AGAP3: variants seen among roughly 807,000 people sequenced by gnomAD.
AGAP3 encodes arf-GAP with GTPase, ANK repeat and PH domain-containing protein 3.
AGAP3 carries 24 observed loss-of-function variants against 96.9 expected under a neutral mutation model. The ratio of observed to expected loss-of-function variants is 0.25; its 90% CI spans 0.18 to 0.35. The LOEUF is 0.35. Among genes scored for constraint, AGAP3 ranks in the 10% least tolerant of loss-of-function variants. The pLI is 1.00. For missense variants in AGAP3, 876 were observed against 1,254.2 expected, an observed-to-expected ratio of 0.70 and a Z score of 4.55; for synonymous variants, 563 against 536.1, an observed-to-expected ratio of 1.05 and a Z score of -0.69.
intron 1 of AGAP3, among the ~76,000 whole-genome samples, chr7:151,092,422 C>A (rs949956705): frequency 6.6e-6 from 1 of 152,174 alleles, no homozygotes; most frequent in Non-Finnish European, 1.5e-5. Flanking sequence ...TGATGCTTTC[C>A]TCCTGACCCC....
At chr7:151,112,979 C>T (rs1029379353) in intron 1 of AGAP3, among the ~76,000 whole-genome samples, 9 of 152,176 alleles carry the variant, frequency 5.9e-5, no homozygotes, top group Non-Finnish European at 1.3e-4. Context: ...GGTGATCCGC[C>T]TGCCTCAGCC....
chr7:151,109,390 G>A (rs1293416386), intron 1 of AGAP3, among the ~76,000 whole-genome samples: 1 of 152,188 alleles, frequency 6.6e-6, no homozygotes, highest in Admixed American at 6.5e-5. Flanking sequence ...GAGGCCAGAT[G>A]TCTGAGATAA....
intron 7 of AGAP3, chr7:151,119,188 T>C (rs1006745465): frequency 1.8e-5 from 3 of 169,132 alleles, no homozygotes; most frequent in African/African-American, 7.1e-5. Flanking sequence ...GCAGCTCACT[T>C]CTGCAGTGGT....
At chr7:151,123,998 C>CTGAG in intron 9 of AGAP3, 112 bp downstream of exon 9, 1 of 1,075,166 alleles carries the variant, frequency 9.3e-7, no homozygotes, top group Non-Finnish European at 1.4e-6. Context: ...CATCAGAGGC[C>CTGAG]AGCACCACCC....
At chr7:151,092,126 G>A (rs945816425) in intron 1 of AGAP3, among the ~76,000 whole-genome samples, 7 of 152,182 alleles carry the variant, frequency 4.6e-5, no homozygotes, top group Admixed American at 6.5e-5. Flanking sequence ...TGCGAAAGAT[G>A]GGCGTCACAA....
chr7:151,143,344 G>A lies in AGAP3; in HGVS notation c.2277G>A (p.Glu759=), dbSNP rs1431693434. ...YSKPGPDACR[E]EKERWIRAKY... Reference sequence around the variant, plus strand: ...CCTGATGGGCCTGTGGTTGCAGAGAGGAGAAGGAACGCTGGATACGGGCCA... The same window carrying A: ...CCTGATGGGCCTGTGGTTGCAGAGAAGAGAAGGAACGCTGGATACGGGCCA... The change falls in exon 17 of 18, where the codon GAG becomes GAA. Residue 759 remains glutamate, a synonymous_variant. Coordinates refer to ENST00000397238, the MANE Select transcript of AGAP3 (RefSeq NM_031946.7). The surrounding 1 kb of genome is among the most constrained non-coding windows in gnomAD (Gnocchi z 5.9). 6 of 1,610,054 alleles carry A rather than the reference G, an allele frequency of 3.7e-6. No individual in the cohort carries two copies. Among genetic ancestry groups the A allele is most frequent in the African/African-American group, 1.3e-5 (1 of 75,008 alleles).
rs112464213 is a variant in AGAP3 at position 151,109,165 on chromosome 7, T to TAAA, written c.332-7615_332-7613dup. On this transcript the variant is annotated intron_variant, in intron 1 of 17. Coordinates refer to ENST00000397238, the MANE Select transcript of AGAP3 (RefSeq NM_031946.7). Reference sequence around the variant, plus strand: ...CAGCATAGTGAGACTCCCACCTCTGTAAAAAAAAAAAAAAACAAAAAACAA... The same window carrying TAAA: ...CAGCATAGTGAGACTCCCACCTCTGTAAAAAAAAAAAAAAAAAACAAAAAACAA... Among the ~76,000 whole-genome samples the TAAA allele has an allele frequency of 1.9e-4, 26 of 136,272 alleles. 1 individual carries two copies. The highest frequency in any genetic ancestry group is 7.2e-4 in the South Asian group (3 of 4,170). 89.4% of individuals were successfully genotyped at this position (136,272 alleles called of 152,430 possible).
chr7:151,135,626 A>G (rs1050555275), intron 11 of AGAP3, among the ~76,000 whole-genome samples: 1 of 152,146 alleles, frequency 6.6e-6, no homozygotes. Flanking sequence ...GAGGCAAGGC[A>G]CCTGAACCAG....
rs1799439137 is a variant in AGAP3, at chr7:151,114,439, C to T, written c.332-2354C>T. Among the ~76,000 whole-genome samples, 1 of 152,240 alleles carries T rather than the reference C, an allele frequency of 6.6e-6. No homozygotes were observed. Among genetic ancestry groups the T allele is most frequent in the South Asian group, 2.1e-4 (1 of 4,838 alleles). ...GCCTGCTCGTAATGACAGCTCCTCA[C>T]CTACCTGCCGGATCCTAGGAGGCGC... On this transcript the variant is annotated intron_variant, in intron 1 of 17. Coordinates refer to ENST00000397238, the MANE Select transcript of AGAP3 (RefSeq NM_031946.7). This position sits in a 1 kb window ranked among gnomAD's most constrained non-coding sequence, Gnocchi z 4.4.
In AGAP3 at chr7:151,135,122, T is replaced by A. The variant is rs1260094490; in HGVS notation, c.1495+554T>A. The stretch of plus-strand genomic sequence containing the variant: ...GCTGGCTCAGGTGAAAGGCCTCCTG[T>A]CCCCAGCAACTCCCTAGTGCCGCTT... On this transcript the variant is annotated intron_variant, in intron 11 of 17. Transcript: ENST00000397238. Among the ~76,000 whole-genome samples the A allele has an allele frequency of 6.6e-5, 10 of 152,254 alleles. No individual in the cohort carries two copies. The East Asian group carries it at 1.9e-3, about 29-fold the overall frequency.
intron 1 of AGAP3, among the ~76,000 whole-genome samples, chr7:151,106,248 C>A (rs1325347935): frequency 6.6e-6 from 1 of 151,874 alleles, no homozygotes; most frequent in Non-Finnish European, 1.5e-5. Flanking sequence ...AATCACTCCT[C>A]AAAACACAGC....
chr7:151,094,018 TG>T (rs1798501436), intron 1 of AGAP3, among the ~76,000 whole-genome samples: 4 of 152,126 alleles, frequency 2.6e-5, no homozygotes, highest in African/African-American at 9.7e-5. Flanking sequence ...CACTTTGAGA[TG>T]CGCCCCCCTT....
In AGAP3 at chr7:151,141,834, G is replaced by A. The variant is rs761067339; in HGVS notation, c.1805-64G>A. 33 of 1,608,314 alleles carry A rather than the reference G, an allele frequency of 2.1e-5. No individual in the cohort carries two copies. Among genetic ancestry groups the A allele is most frequent in the African/African-American group, 1.7e-4 (13 of 74,754 alleles). ...GCAGGGTAGTGAGTGGAGTTGTGGCGATAGCATGCCCTGGGTGTGCACGCA... is the reference window on the plus strand; with the variant it reads ...GCAGGGTAGTGAGTGGAGTTGTGGCAATAGCATGCCCTGGGTGTGCACGCA... On this transcript the variant is annotated intron_variant, in intron 13 of 17. Transcript: ENST00000397238. The surrounding 1 kb of genome is among the most constrained non-coding windows in gnomAD (Gnocchi z 4.2).
rs1424176792 is a variant in AGAP3 at position 151,143,741 on chromosome 7, G to A, written c.2534G>A (p.Gly845Glu). 6.2e-7 allele frequency: 1 copy of A among 1,614,174 alleles called. No homozygotes were observed. Among genetic ancestry groups the A allele is most frequent in the South Asian group, 1.1e-5 (1 of 91,074 alleles). The change falls in exon 18 of 18, where the codon GGG becomes GAG. Residue 845 changes from glycine to glutamate, a missense_variant. Gly to Glu is a moderately conservative substitution (Grantham distance 98). Around this residue, in one of 8 missense-constraint regions of AGAP3, gnomAD observed 213 missense variants for 253.8 expected, o/e 0.84. Transcript: ENST00000397238. The surrounding 1 kb of genome is among the most constrained non-coding windows in gnomAD (Gnocchi z 5.9). ...VVFTQLLIWYGVDVRSRDARG... is the reference protein window; with the variant it reads ...VVFTQLLIWYEVDVRSRDARG... ...AACATGTGTTTTCTCCTACAGTACG[G>A]GGTGGACGTGAGGAGCCGGGACGCC... is the stretch of plus-strand genomic sequence containing the variant.
rs746864195 is a variant in AGAP3 at position 151,143,820 on chromosome 7, A to AGAC, written c.2614_2616dup (p.Asp872dup). 6.2e-7 allele frequency: 1 copy of AGAC among 1,614,078 alleles called. No homozygotes were observed. On this transcript the variant is annotated inframe_insertion, in exon 18 of 18. Coordinates refer to ENST00000397238, the MANE Select transcript of AGAP3 (RefSeq NM_031946.7). The surrounding 1 kb of genome is among the most constrained non-coding windows in gnomAD (Gnocchi z 5.9). ...GCCGGGCCGGCAGCCAGGAGTGTGC[A>AGAC]GACATCTTGATCCAGCATGGCTGCC...
rs754480833 is a variant in AGAP3 at position 151,140,163 on chromosome 7, G to C, written c.1804+47G>C. 1.3e-5 allele frequency: 19 copies of C among 1,491,686 alleles called. 1 individual carries two copies. The Admixed American group carries it at 1.7e-4, about 13-fold the overall frequency. 92.4% of individuals were successfully genotyped at this position (1,491,686 alleles called of 1,614,324 possible). A position where few individuals can be genotyped will look rare whatever the true frequency, so the allele number is the denominator to read the frequency against. On this transcript the variant is annotated intron_variant, in intron 13 of 17. Coordinates refer to ENST00000397238, the MANE Select transcript of AGAP3 (RefSeq NM_031946.7). The surrounding 1 kb of genome is among the most constrained non-coding windows in gnomAD (Gnocchi z 5.4). The stretch of plus-strand genomic sequence containing the variant: ...ACCGGGCACAGGAGGTGGGCAGTGG[G>C]ACTTGGGGATAGTACCCTAAAAGTA...
In AGAP3 at chr7:151,111,911, G is replaced by C. The variant is rs551646267; in HGVS notation, c.332-4882G>C. 5.9e-5 allele frequency among the ~76,000 whole-genome samples: 9 copies of C among 152,326 alleles called. No homozygotes were observed. The South Asian group carries it at 1.9e-3, about 32-fold the overall frequency. On this transcript the variant is annotated intron_variant, in intron 1 of 17. Coordinates refer to ENST00000397238, the MANE Select transcript of AGAP3 (RefSeq NM_031946.7). Reference sequence around the variant, plus strand: ...TGAGGGCTTGTGTTGTGGGATTTCAGTACTGTTCGTGTAGTCCCAGCCTGG... The same window carrying C: ...TGAGGGCTTGTGTTGTGGGATTTCACTACTGTTCGTGTAGTCCCAGCCTGG...
Position 151,138,200 on chromosome 7 carries a change from C to G in AGAP3, c.1553C>G (p.Ser518Trp). ...SLHSERPLSS[S>W]AWAGPRPEGL... Reference sequence around the variant, plus strand: ...CACTCTGAGCGCCCCCTCAGCAGCTCGGCCTGGGCTGGCCCGCGCCCTGAG... The same window carrying G: ...CACTCTGAGCGCCCCCTCAGCAGCTGGGCCTGGGCTGGCCCGCGCCCTGAG... The change falls in exon 12 of 18, where the codon TCG (serine) becomes TGG (tryptophan). Residue 518 changes from serine to tryptophan, a missense_variant. Ser to Trp is a radical substitution (Grantham distance 177, BLOSUM62 -3). Around this residue, in one of 8 missense-constraint regions of AGAP3, gnomAD observed 155 missense variants for 144.4 expected, o/e 1.07. Transcript: ENST00000397238. 3 of 1,610,774 alleles carry G rather than the reference C, an allele frequency of 1.9e-6. No individual in the cohort carries two copies. In the South Asian group the frequency reaches 3.3e-5, roughly 18 times the overall value.
chr7:151,128,778 C>A, intron 10 of AGAP3, 94 bp downstream of exon 10: 1 of 1,073,132 alleles, frequency 9.3e-7, no homozygotes, highest in East Asian at 2.5e-5. Context: ...CCAGGATGGA[C>A]GGGAAGCAGA....
Sources: allele counts gnomAD v4.1 joint callset (sites outside exome capture counted in the v4.1 genomes callset), GRCh38; gene constraint gnomAD v4.1.1; regional missense constraint gnomAD v4.1.1; non-coding constraint Gnocchi (gnomAD v3.1); transcripts MANE v1.5; gene names NCBI Gene and HGNC (gene_info 2026-07-23, HGNC 2026-07-21).